ARHGAP28: variants seen among roughly 807,000 people sequenced by gnomAD.
ARHGAP28 encodes rho GTPase-activating protein 28.
A neutral mutation model predicts 90.7 loss-of-function variants in ARHGAP28; 56 were observed. That is an observed-to-expected ratio of 0.62 (90% CI 0.50 to 0.77). The LOEUF (loss-of-function observed/expected upper bound fraction) is 0.77, where lower values mean the gene tolerates loss of function less well. Ranked by LOEUF, ARHGAP28 falls within the 30% of genes least tolerant of loss-of-function variation. The pLI is 0.00. For missense variants in ARHGAP28, 869 were observed against 900.9 expected (o/e 0.96, Z 0.45); for synonymous variants, 308 against 323.3 (o/e 0.95, Z 0.51).
chr18:6,910,970 G>A lies in ARHGAP28; in HGVS notation c.2096-1090G>A, dbSNP rs530228765. ...CGCCATTCTCCTGCCTCAGCCTCCG[G>A]AGTAGCTGGGATTACAGGCGCCCAT... On this transcript the variant is annotated intron_variant, in intron 17 of 17. Transcript: ENST00000383472. 9.8e-4 allele frequency among the ~76,000 whole-genome samples: 149 copies of A among 151,790 alleles called. 2 individuals carry two copies. The highest frequency in any genetic ancestry group is 1.7e-3 in the Non-Finnish European group (113 of 67,962).
chr18:6,759,399 CTT>C (rs1337936814), intron 1 of ARHGAP28, among the ~76,000 whole-genome samples: 9 of 152,116 alleles, frequency 5.9e-5, no homozygotes, highest in Admixed American at 5.9e-4. Flanking sequence ...TATTTCATAT[CTT>C]TTCTGTAGCA....
intron 12 of ARHGAP28, among the ~76,000 whole-genome samples, chr18:6,888,749 A>T (rs139752615): frequency 2.0e-3 from 305 of 152,332 alleles, no homozygotes; most frequent in African/African-American, 6.9e-3. Flanking sequence ...ATTTCTAACA[A>T]AAGGTCCCCC....
chr18:6,889,964 TG>T lies in ARHGAP28; in HGVS notation c.1614del (p.Met539TrpfsTer20), dbSNP rs1247430231. The T allele has an allele frequency of 1.2e-6, 2 of 1,614,080 alleles. No homozygotes were observed. Among genetic ancestry groups the T allele is most frequent in the African/African-American group, 2.7e-5 (2 of 74,934 alleles). ...NRMSLWNIST[V>X]MAPNLFFSRS... ...ATGAGTCTGTGGAACATTTCTACAG[TG>T]ATGGCACCAAACCTTTTCTTCAGTA... On this transcript the variant is annotated frameshift_variant, in exon 13 of 18. Transcript: ENST00000383472. LOFTEE classifies it high-confidence loss of function.
intron 1 of ARHGAP28, chr18:6,779,177 C>T (rs1413356176): frequency 6.6e-6 from 1 of 152,136 alleles, no homozygotes; most frequent in African/African-American, 2.4e-5. Context: ...TTATACATAT[C>T]CAACTTTGTT....
At chr18:6,773,140 C>T (rs56077505) in intron 1 of ARHGAP28, among the ~76,000 whole-genome samples, 17,387 of 152,122 alleles carry the variant, frequency 0.11, 1,244 homozygotes, top group Non-Finnish European at 0.15. Context: ...TGAAATTACG[C>T]ATTTATCCAT....
chr18:6,899,409 GCAACTGA>G (rs1007008719), intron 16 of ARHGAP28, among the ~76,000 whole-genome samples: 1 of 152,140 alleles, frequency 6.6e-6, no homozygotes, highest in Admixed American at 6.5e-5. Flanking sequence ...CTTCCAACCT[GCAACTGA>G]CAACAGGCAC....
chr18:6,896,183 T>G (rs1263816262), intron 15 of ARHGAP28, among the ~76,000 whole-genome samples: 5 of 152,222 alleles, frequency 3.3e-5, no homozygotes, highest in Non-Finnish European at 5.9e-5. Context: ...TTAAAGCAGG[T>G]TCAGTTAGGA....
chr18:6,777,777 A>C (rs2056296427), intron 1 of ARHGAP28, among the ~76,000 whole-genome samples: 1 of 152,186 alleles, frequency 6.6e-6, no homozygotes, highest in Non-Finnish European at 1.5e-5. Context: ...TGAATAAAAC[A>C]GTTGTGAACC....
At chr18:6,774,792 G>A (rs979027710) in intron 1 of ARHGAP28, among the ~76,000 whole-genome samples, 1 of 152,240 alleles carries the variant, frequency 6.6e-6, no homozygotes, top group Non-Finnish European at 1.5e-5. Flanking sequence ...GTGGCTGTGT[G>A]TTGCCCTGGT....
intron 15 of ARHGAP28, among the ~76,000 whole-genome samples, chr18:6,895,869 A>G (rs2057301100): frequency 6.6e-6 from 1 of 152,230 alleles, no homozygotes; most frequent in Admixed American, 6.5e-5. Context: ...TAGAACATTG[A>G]TAGAATGTGA....
intron 1 of ARHGAP28, among the ~76,000 whole-genome samples, chr18:6,800,796 C>T (rs1176639628): frequency 3.9e-5 from 6 of 152,128 alleles, no homozygotes; most frequent in South Asian, 2.1e-4. Flanking sequence ...CACCATGGCA[C>T]GTGTACACCT....
intron 1 of ARHGAP28, among the ~76,000 whole-genome samples, chr18:6,812,762 G>C (rs2056565990): frequency 6.6e-6 from 1 of 152,164 alleles, no homozygotes; most frequent in African/African-American, 2.4e-5. Context: ...TTATTTATTT[G>C]ATTCTCCTTT....
chr18:6,782,592 A>ATT lies in ARHGAP28; in HGVS notation c.123-42134_123-42133dup, dbSNP rs10602816. Among the ~76,000 whole-genome samples the ATT allele has an allele frequency of 8.5e-3, 226 of 26,686 alleles. 78 individuals are homozygous for ATT. The highest frequency in any genetic ancestry group is 0.013 in the Non-Finnish European group (156 of 12,332). The allele number at this position is 26,686 out of a possible 152,430, so 17.5% of individuals were successfully genotyped here. A position where few individuals can be genotyped will look rare whatever the true frequency, so the allele number is the denominator to read the frequency against. On this transcript the variant is annotated intron_variant, in intron 1 of 17. Transcript: ENST00000383472. ...GCCATCACGCCCAGCTAATTTTTGT[A>ATT]TTTTTTTTTTTTTTTTTTTTTTTTT...
In ARHGAP28 at chr18:6,805,479, CTTTTTTTTTTTT is replaced by C. The variant is rs756550297; in HGVS notation, c.123-19271_123-19260del. On this transcript the variant is annotated intron_variant, in intron 1 of 17. Coordinates refer to ENST00000383472, the MANE Select transcript of ARHGAP28 (RefSeq NM_001366230.1). ...TTTAATCTGGTCTGATAACCTTTGC[CTTTTTTTTTTTT>C]TTTTTTTTTTTGAAACGGAATTTCA... Among the ~76,000 whole-genome samples, 549 of 97,580 alleles carry C rather than the reference CTTTTTTTTTTTT, an allele frequency of 5.6e-3. 8 individuals carry two copies. Among genetic ancestry groups the C allele is most frequent in the Middle Eastern group, 0.038 (4 of 104 alleles). The allele number at this position is 97,580 out of a possible 152,430, so 64.0% of individuals were successfully genotyped here.
chr18:6,894,824 G>A lies in ARHGAP28; in HGVS notation c.1849-11G>A, dbSNP rs192794821. On this transcript the variant is annotated splice_polypyrimidine_tract_variant and intron_variant, in intron 14 of 17. Transcript: ENST00000383472. ...TCTCAACATTACTCCTAAAGACTGTGTTTCTTTTAGACTGCAAGCCCCAAG... is the reference window on the plus strand; with the variant it reads ...TCTCAACATTACTCCTAAAGACTGTATTTCTTTTAGACTGCAAGCCCCAAG... The A allele has an allele frequency of 3.2e-5, 51 of 1,613,420 alleles. No homozygotes were observed. In the East Asian group the frequency reaches 5.4e-4, roughly 17 times the overall value.
Position 6,825,606 on chromosome 18 carries a change from C to T in ARHGAP28, c.325+642C>T, listed in dbSNP as rs543293448. 7.2e-5 allele frequency among the ~76,000 whole-genome samples: 11 copies of T among 152,126 alleles called. No individual in the cohort carries two copies. In the South Asian group the frequency reaches 1.2e-3, roughly 17 times the overall value. ...TAGTTTTTGACCCATTCCTCTTTCC[C>T]TACCTCCCCCCTCTAGTAGTCTGCA... On this transcript the variant is annotated intron_variant, in intron 2 of 17. Coordinates refer to ENST00000383472, the MANE Select transcript of ARHGAP28 (RefSeq NM_001366230.1).
chr18:6,824,897 A>G lies in ARHGAP28; in HGVS notation c.258A>G (p.Glu86=). 6 of 1,536,080 alleles carry G rather than the reference A, an allele frequency of 3.9e-6. No homozygotes were observed. The highest frequency in any genetic ancestry group is 5.2e-6 in the Non-Finnish European group (6 of 1,146,898). ...TGGAGGATTTCTGGCGGGAAATAGA[A>G]AGTATTAAAGACAGCAGCATGGGAG... The part of the protein sequence containing the change: ...ASMEDFWREI[E]SIKDSSMGGQ... The change falls in exon 2 of 18, where the codon GAA becomes GAG. Residue 86 remains glutamate (E), a synonymous_variant. Coordinates refer to ENST00000383472, the MANE Select transcript of ARHGAP28 (RefSeq NM_001366230.1).
At chr18:6,801,139 G>A (rs1304489421) in intron 1 of ARHGAP28, among the ~76,000 whole-genome samples, 2 of 152,066 alleles carry the variant, frequency 1.3e-5, no homozygotes, top group African/African-American at 2.4e-5. Flanking sequence ...TAGATTTTAC[G>A]TTTAGGTCTA....
intron 6 of ARHGAP28, among the ~76,000 whole-genome samples, chr18:6,868,699 C>T (rs2057057665): frequency 6.6e-6 from 1 of 152,068 alleles, no homozygotes; most frequent in South Asian, 2.1e-4. Context: ...TATGGAATCT[C>T]AGATCCTCCT....
Sources: gnomAD v4.1 joint callset for allele counts (sites outside exome capture counted in the v4.1 genomes callset) on GRCh38, gnomAD v4.1.1 for gene constraint, MANE v1.5 for transcripts, NCBI Gene and HGNC (gene_info 2026-07-23, HGNC 2026-07-21) for gene names.